Variants in XPO7 observed in about 807,000 individuals in gnomAD.
XPO7 encodes exportin 7, also known as exportin-7.
A neutral mutation model predicts 144.3 loss-of-function variants in XPO7; 21 were observed. The observed-to-expected ratio is 0.15, with a 90% CI of 0.10 to 0.21. The LOEUF (loss-of-function observed/expected upper bound fraction) is 0.21, where lower values mean the gene tolerates loss of function less well. Ranked by LOEUF, XPO7 falls within the 10% of genes least tolerant of loss-of-function variation. The pLI, the probability that XPO7 is intolerant of heterozygous loss-of-function variation, is 1.00. For missense variants in XPO7, 808 were observed against 1,325.8 expected, an observed-to-expected ratio of 0.61 and a Z score of 6.06; for synonymous variants, 580 against 499.6, an observed-to-expected ratio of 1.16 and a Z score of -2.15.
In XPO7 at chr8:21,982,254, A is replaced by C. The variant is rs1585465916; in HGVS notation, c.1104+377A>C. ...AAATTTTATGGCTTGTATCACAGTC[A>C]TCTAGGGGACTGATGAAAAAATATA... On this transcript the variant is annotated intron_variant, in intron 10 of 27. Coordinates refer to ENST00000252512, the MANE Select transcript of XPO7 (RefSeq NM_015024.5). Among the ~76,000 whole-genome samples, 4 of 152,312 alleles carry C rather than the reference A, an allele frequency of 2.6e-5. No homozygotes were observed. In the East Asian group the frequency reaches 7.7e-4, roughly 29 times the overall value.
chr8:21,987,037 T>C, intron 13 of XPO7, 104 bp from the exon 14 acceptor site: 3 of 1,522,130 alleles, frequency 2.0e-6, no homozygotes, highest in Non-Finnish European at 2.7e-6. Context: ...AGGAGGTTGC[T>C]GTACCCAAGT....
intron 1 of XPO7, among the ~76,000 whole-genome samples, chr8:21,941,197 G>A (rs1432500448): frequency 6.6e-6 from 1 of 151,128 alleles, no homozygotes; most frequent in Non-Finnish European, 1.5e-5. Flanking sequence ...GAGTGCAGTG[G>A]CACAATCATG....
At chr8:21,942,670 GAT>G (rs1811032463) in intron 1 of XPO7, among the ~76,000 whole-genome samples, 1 of 152,198 alleles carries the variant, frequency 6.6e-6, no homozygotes, top group South Asian at 2.1e-4. Context: ...TTCAACAAGT[GAT>G]AGTTTTGTAA....
At chr8:21,995,403 C>T in intron 20 of XPO7, 89 bp from the exon 21 acceptor site, 1 of 1,084,900 alleles carries the variant, frequency 9.2e-7, no homozygotes, top group East Asian at 2.6e-5. Context: ...TGTAGTTTGA[C>T]AAGTTTTTGC....
intron 1 of XPO7, among the ~76,000 whole-genome samples, chr8:21,947,150 G>C (rs1482305574): frequency 6.6e-6 from 1 of 152,148 alleles, no homozygotes; most frequent in Non-Finnish European, 1.5e-5. Context: ...TGACATAATA[G>C]TATTATCTAA....
chr8:21,988,766 G>T, intron 15 of XPO7: 1 of 507,686 alleles, frequency 2.0e-6, no homozygotes, highest in East Asian at 3.6e-5. Context: ...GCCTGGGTAT[G>T]GGCCAGTGTA....
At chr8:21,924,668 C>T (rs1367047316) in intron 1 of XPO7, among the ~76,000 whole-genome samples, 2 of 151,980 alleles carry the variant, frequency 1.3e-5, no homozygotes, top group Non-Finnish European at 2.9e-5. Context: ...CAAAATTTTA[C>T]CCACAATTTT....
intron 1 of XPO7, among the ~76,000 whole-genome samples, chr8:21,952,929 C>G (rs567866251): frequency 6.6e-6 from 1 of 152,248 alleles, no homozygotes; most frequent in East Asian, 1.9e-4. Context: ...GATGTTTTTA[C>G]TAGACTTTAT....
chr8:21,961,302 C>G (rs1246081894), intron 1 of XPO7, among the ~76,000 whole-genome samples: 2 of 151,456 alleles, frequency 1.3e-5, no homozygotes, highest in Non-Finnish European at 2.9e-5. Flanking sequence ...CTTGACCTTC[C>G]AGACTTGGAC....
At chr8:21,986,302 C>T (rs190669154) in intron 13 of XPO7, among the ~76,000 whole-genome samples, 2 of 152,048 alleles carry the variant, frequency 1.3e-5, no homozygotes, top group Non-Finnish European at 2.9e-5. Context: ...TACAGGCATG[C>T]GTCACCACAT....
Position 22,005,144 on chromosome 8 carries a change from G to T in XPO7, c.*56G>T. ...GCGTCCCTTTGGTTTGGCCCAGAGG[G>T]GCGAACAATTGCAAGGGAGAGGGCC... On this transcript the variant is annotated 3_prime_UTR_variant, in exon 28 of 28. Coordinates refer to ENST00000252512, the MANE Select transcript of XPO7 (RefSeq NM_015024.5). The T allele has an allele frequency of 6.9e-7, 1 of 1,453,742 alleles. No individual in the cohort carries two copies. The highest frequency in any genetic ancestry group is 9.4e-7 in the Non-Finnish European group (1 of 1,060,636). The allele number at this position is 1,453,742 out of a possible 1,614,324, so 90.1% of individuals were successfully genotyped here. A position where few individuals can be genotyped will look rare whatever the true frequency, so the allele number is the denominator to read the frequency against.
intron 17 of XPO7, 38 bp from the exon 18 acceptor site, chr8:21,990,773 A>T (rs1341402033): frequency 2.5e-6 from 4 of 1,602,048 alleles, no homozygotes; most frequent in Non-Finnish European, 3.4e-6. Flanking sequence ...CCTCTAACTC[A>T]TGTTTTTACC....
chr8:21,926,358 C>T (rs1810458597), intron 1 of XPO7, among the ~76,000 whole-genome samples: 1 of 152,070 alleles, frequency 6.6e-6, no homozygotes, highest in South Asian at 2.1e-4. Flanking sequence ...TTACAATGTG[C>T]AGTCTCAGAA....
chr8:21,948,923 C>T (rs1209848316), intron 1 of XPO7, among the ~76,000 whole-genome samples: 1 of 152,142 alleles, frequency 6.6e-6, no homozygotes, highest in Non-Finnish European at 1.5e-5. Flanking sequence ...CCCTAAAGAG[C>T]ATAGCTACTG....
intron 1 of XPO7, among the ~76,000 whole-genome samples, chr8:21,951,720 GT>G (rs776435168): frequency 2.0e-5 from 3 of 152,174 alleles, no homozygotes; most frequent in Non-Finnish European, 4.4e-5. Flanking sequence ...GTTGTCAACT[GT>G]TTTGTTATTG....
At chr8:21,998,608 A>C (rs1585483215) in intron 21 of XPO7, 147 bp from the exon 22 acceptor site, 2 of 596,940 alleles carry the variant, frequency 3.4e-6, no homozygotes, top group Non-Finnish European at 2.9e-6. Context: ...AAATATCTAT[A>C]ACTTGGTTAT....
chr8:21,999,264 T>C lies in XPO7; in HGVS notation c.2602T>C (p.Phe868Leu). 6.2e-7 allele frequency: 1 copy of C among 1,613,496 alleles called. No individual in the cohort carries two copies. Among genetic ancestry groups the C allele is most frequent in the Non-Finnish European group, 8.5e-7 (1 of 1,179,872 alleles). ...TGCCCTGGACAATGCTCTGCAGACC[T>C]TCATCAAGCTGCTCCTCTCTATTCC... is the stretch of plus-strand genomic sequence containing the variant. ...DDALDNALQT[F>L]IKLLLSIPHS... Residue 868 changes from phenylalanine (F) to leucine (L), a missense_variant, in exon 23 of 28, where the codon TTC (phenylalanine) becomes CTC (leucine). Physicochemically the swap from Phe to Leu is conservative, Grantham distance 22. Coordinates refer to ENST00000252512, the MANE Select transcript of XPO7 (RefSeq NM_015024.5).
At position 22,003,995 on chromosome 8, in the gene XPO7, C is replaced by G; in HGVS notation, c.3135C>G (p.Gly1045=). ...TGTGTTTTGAGAACCTGATGGAAGG[C>G]ATCGAGCGAAATCTTCTTACGAAAA... ...MHLCFENLME[G]IERNLLTKNR... Residue 1045 remains glycine (G), a synonymous_variant, in exon 27 of 28, where the codon GGC becomes GGG. Coordinates refer to ENST00000252512, the MANE Select transcript of XPO7 (RefSeq NM_015024.5). The G allele has an allele frequency of 6.2e-7, 1 of 1,613,904 alleles. No individual in the cohort carries two copies.
intron 11 of XPO7, 46 bp from the exon 12 acceptor site, chr8:21,984,600 T>C (rs1228289801): frequency 3.9e-6 from 6 of 1,519,470 alleles, no homozygotes; most frequent in Non-Finnish European, 4.4e-6. Flanking sequence ...GGCAAATCAG[T>C]AGTCATATTT....
Sources: allele counts gnomAD v4.1 joint callset (sites outside exome capture counted in the v4.1 genomes callset), GRCh38; gene constraint gnomAD v4.1.1; transcripts MANE v1.5; gene names NCBI Gene and HGNC (gene_info 2026-07-23, HGNC 2026-07-21).